The following GATAD2A variants were observed in gnomAD, a reference collection of about 807,000 sequenced individuals.
GATAD2A encodes the protein transcriptional repressor p66-alpha.
GATAD2A carries 12 observed loss-of-function variants against 68.5 expected under a neutral mutation model. That is an observed-to-expected ratio of 0.18 (90% CI 0.11 to 0.28). The LOEUF (loss-of-function observed/expected upper bound fraction) is 0.28. Ranked by LOEUF, GATAD2A falls within the 10% of genes least tolerant of loss-of-function variation. GATAD2A has a pLI of 1.00. For missense variants in GATAD2A, 755 were observed against 868.5 expected (o/e 0.87, Z 1.64); for synonymous variants, 410 against 375.3 (o/e 1.09, Z -1.07).
intron 1 of GATAD2A, among the ~76,000 whole-genome samples, chr19:19,455,586 T>C (rs1395815595): frequency 6.6e-6 from 1 of 152,200 alleles, no homozygotes; most frequent in African/African-American, 2.4e-5. Flanking sequence ...CAGCTGTTTA[T>C]GTAGCATTTA....
At chr19:19,496,016 G>C in intron 6 of GATAD2A, 36 bp from the exon 7 acceptor site, 1 of 1,606,458 alleles carries the variant, frequency 6.2e-7, no homozygotes, top group Non-Finnish European at 8.5e-7. Flanking sequence ...GTTGATCTCA[G>C]TCAGATTTCT....
At chr19:19,448,387 A>G (rs2055987238) in intron 1 of GATAD2A, among the ~76,000 whole-genome samples, 1 of 152,246 alleles carries the variant, frequency 6.6e-6, no homozygotes. Context: ...GCACGGCCTC[A>G]AATGAGGGCA....
At chr19:19,444,697 C>G (rs904409182) in intron 1 of GATAD2A, among the ~76,000 whole-genome samples, 1 of 151,914 alleles carries the variant, frequency 6.6e-6, no homozygotes, top group African/African-American at 2.4e-5. Flanking sequence ...ATGGCGAGAC[C>G]TCGTCTCTAC....
chr19:19,429,597 T>C (rs1402864394), intron 1 of GATAD2A, among the ~76,000 whole-genome samples: 1 of 151,698 alleles, frequency 6.6e-6, no homozygotes, highest in African/African-American at 2.4e-5. Flanking sequence ...AGCCAGTACA[T>C]GCCTTAGGCT....
intron 1 of GATAD2A, among the ~76,000 whole-genome samples, chr19:19,410,726 A>G (rs1008399451): frequency 3.3e-5 from 5 of 152,126 alleles, no homozygotes; most frequent in South Asian, 2.1e-4. Context: ...CCGTGTGCCT[A>G]TTGCTGAGCA....
chr19:19,497,376 G>A (rs949447190), intron 7 of GATAD2A, among the ~76,000 whole-genome samples: 5 of 152,230 alleles, frequency 3.3e-5, no homozygotes, highest in Admixed American at 1.3e-4. Context: ...GATTACAGGC[G>A]TGAGCCACCA....
At chr19:19,441,074 ACT>A (rs978463612) in intron 1 of GATAD2A, among the ~76,000 whole-genome samples, 23 of 121,718 alleles carry the variant, frequency 1.9e-4, no homozygotes, top group Admixed American at 2.9e-4. Flanking sequence ...CCCTCCCCTC[ACT>A]CTGTCACCCA....
intron 1 of GATAD2A, among the ~76,000 whole-genome samples, chr19:19,406,470 G>T (rs933311491): frequency 1.3e-5 from 2 of 152,010 alleles, no homozygotes; most frequent in Non-Finnish European, 2.9e-5. Flanking sequence ...GGCGGCGGCG[G>T]CGGCGGCGGA....
At chr19:19,401,212 CTTT>C (rs1187049852), upstream of GATAD2A, among the ~76,000 whole-genome samples, 2 of 91,820 alleles carry the variant, frequency 2.2e-5, no homozygotes, top group Non-Finnish European at 4.2e-5. Flanking sequence ...AAAAACTTGG[CTTT>C]TTTTTTTTTT....
chr19:19,420,379 T>C (rs952730785), intron 1 of GATAD2A, among the ~76,000 whole-genome samples: 5 of 144,250 alleles, frequency 3.5e-5, no homozygotes, highest in African/African-American at 1.3e-4. Flanking sequence ...TCACCCAGGC[T>C]GGAGTGCAGT....
chr19:19,503,889 A>T (rs2060708508), intron 11 of GATAD2A, among the ~76,000 whole-genome samples: 2 of 152,150 alleles, frequency 1.3e-5, no homozygotes, highest in African/African-American at 4.8e-5. Context: ...CGCTTTTTCC[A>T]CAAAATGTAT....
At chr19:19,489,302 C>G (rs2059632924) in intron 2 of GATAD2A, among the ~76,000 whole-genome samples, 1 of 152,262 alleles carries the variant, frequency 6.6e-6, no homozygotes, top group African/African-American at 2.4e-5. Context: ...CCTCCATTTT[C>G]TGACAGTACC....
At position 19,502,311 on chromosome 19, in the gene GATAD2A, C is replaced by T; in HGVS notation, c.1579-20C>T. 1.9e-6 allele frequency: 3 copies of T among 1,577,026 alleles called. No homozygotes were observed. The highest frequency in any genetic ancestry group is 1.7e-5 in the Admixed American group (1 of 58,408). On this transcript the variant is annotated intron_variant, in intron 10 of 11. Coordinates refer to ENST00000683918, the MANE Select transcript of GATAD2A (RefSeq NM_001384528.1). ...TGTCTTTTCCCTGCATGAGCCGTCACCCCCCTTTCTCCACTGCAGGCCTCC... is the reference window on the plus strand; with the variant it reads ...TGTCTTTTCCCTGCATGAGCCGTCATCCCCCTTTCTCCACTGCAGGCCTCC...
At chr19:19,427,051 A>G (rs1600094514) in intron 1 of GATAD2A, among the ~76,000 whole-genome samples, 1 of 151,926 alleles carries the variant, frequency 6.6e-6, no homozygotes. Flanking sequence ...AAAAAGACAC[A>G]CTTATGATTG....
At chr19:19,438,374 T>G (rs1371226751) in intron 1 of GATAD2A, among the ~76,000 whole-genome samples, 1 of 152,200 alleles carries the variant, frequency 6.6e-6, no homozygotes, top group Non-Finnish European at 1.5e-5. Flanking sequence ...CCCAAATAGC[T>G]GGGACTGCCA....
intron 11 of GATAD2A, among the ~76,000 whole-genome samples, chr19:19,503,965 G>A (rs1396816078): frequency 2.0e-5 from 3 of 152,210 alleles, no homozygotes; most frequent in African/African-American, 7.2e-5. Context: ...CCAGCACTTT[G>A]TGAGGCCGAG....
At chr19:19,422,922 A>G (rs1420537426) in intron 1 of GATAD2A, among the ~76,000 whole-genome samples, 1 of 152,090 alleles carries the variant, frequency 6.6e-6, no homozygotes, top group African/African-American at 2.4e-5. Flanking sequence ...CGTTTTAGCC[A>G]GGATGGTCTC....
intron 1 of GATAD2A, among the ~76,000 whole-genome samples, chr19:19,445,820 A>G (rs151061844): frequency 4.6e-5 from 7 of 152,260 alleles, no homozygotes; most frequent in Admixed American, 4.6e-4. Context: ...TCATCCATTG[A>G]TGGACATTTG....
chr19:19,408,086 G>A (rs1189294438), intron 1 of GATAD2A, among the ~76,000 whole-genome samples: 2 of 152,152 alleles, frequency 1.3e-5, no homozygotes, highest in African/African-American at 2.4e-5. Context: ...TGCAACTTCC[G>A]CCTCTCAGGT....
Sources: allele counts gnomAD v4.1 joint callset (sites outside exome capture counted in the v4.1 genomes callset), GRCh38; gene constraint gnomAD v4.1.1; transcripts MANE v1.5; gene names NCBI Gene and HGNC (gene_info 2026-07-23, HGNC 2026-07-21).